Variants in ITPR1 observed in about 807,000 individuals in gnomAD.
ITPR1 encodes inositol 1,4,5-trisphosphate-gated calcium channel ITPR1.
Under a neutral mutation model 318.4 loss-of-function variants are expected in ITPR1, and 96 were observed. The observed-to-expected ratio is 0.30, with a 90% CI of 0.26 to 0.36. ITPR1 has a LOEUF of 0.36. Ranked by LOEUF, ITPR1 falls within the 10% of genes least tolerant of loss-of-function variation. The pLI is 1.00. For missense variants in ITPR1, 2,440 were observed against 3,460.2 expected, an observed-to-expected ratio of 0.71 and a Z score of 7.40; for synonymous variants, 1,312 against 1,289.9, an observed-to-expected ratio of 1.02 and a Z score of -0.37.
At chr3:4,689,865 G>A (rs1189616303) in intron 31 of ITPR1, among the ~76,000 whole-genome samples, 1 of 152,178 alleles carries the variant, frequency 6.6e-6, no homozygotes. Flanking sequence ...ACCATTAAGA[G>A]CATCCAAAGG....
rs143101703 is a variant in ITPR1, at chr3:4,677,153, C to T, written c.2967+352C>T. Among the ~76,000 whole-genome samples, 603 of 152,292 alleles carry T rather than the reference C, an allele frequency of 4.0e-3. 6 individuals carry two copies. The highest frequency in any genetic ancestry group is 3.1e-3 in the Non-Finnish European group (208 of 68,020). On this transcript the variant is annotated intron_variant, in intron 24 of 61. Coordinates refer to ENST00000649015, the MANE Select transcript of ITPR1 (RefSeq NM_001378452.1). ...ATCATAACTAGGTTCAGGGTTCCATCAACTTTGCAAAGCCTTCCTCCCTTC... is the reference window on the plus strand; with the variant it reads ...ATCATAACTAGGTTCAGGGTTCCATTAACTTTGCAAAGCCTTCCTCCCTTC...
chr3:4,768,546 C>T lies in ITPR1; in HGVS notation c.5761C>T (p.Arg1921Trp), dbSNP rs1559863237. 14 of 1,613,632 alleles carry T rather than the reference C, an allele frequency of 8.7e-6. No individual in the cohort carries two copies. The highest frequency in any genetic ancestry group is 2.2e-5 in the East Asian group (1 of 44,872). ...CACAACACAGATAACAGAAGAGGTC[C>T]GGGATCAGCTCCTGGAGGCCTCCGC... The part of the protein sequence containing the change: ...EPTTQITEEV[R>W]DQLLEASAAT... The change falls in exon 46 of 62, where the codon CGG becomes TGG. Residue 1921 changes from arginine to tryptophan, a missense_variant. Around this residue, in one of 23 missense-constraint regions of ITPR1, gnomAD observed 113 missense variants for 103.6 expected, o/e 1.09. Coordinates refer to ENST00000649015, the MANE Select transcript of ITPR1 (RefSeq NM_001378452.1).
intron 4 of ITPR1, among the ~76,000 whole-genome samples, chr3:4,604,768 CT>C (rs2091578857): frequency 6.6e-6 from 1 of 152,006 alleles, no homozygotes; most frequent in Admixed American, 6.5e-5. Flanking sequence ...ATCTTTCCCC[CT>C]GAAGAGGGAA....
Position 4,703,515 on chromosome 3 carries a change from G to T in ITPR1, c.4657+565G>T, listed in dbSNP as rs79375750. Among the ~76,000 whole-genome samples, 557 of 152,238 alleles carry T rather than the reference G, an allele frequency of 3.7e-3. 4 individuals carry two copies. The highest frequency in any genetic ancestry group is 0.014 in the Middle Eastern group (4 of 294). ...TCATCCTGACTTTATCAGACTCCAT[G>T]ACTTGACCCATTCCCCACCCCCTAT... On this transcript the variant is annotated intron_variant, in intron 36 of 61. Transcript: ENST00000649015.
intron 4 of ITPR1, among the ~76,000 whole-genome samples, chr3:4,581,826 A>G (rs2089374681): frequency 6.6e-6 from 1 of 152,240 alleles, no homozygotes; most frequent in Non-Finnish European, 1.5e-5. Context: ...TGTGGACTCA[A>G]AATGTCATCT....
At chr3:4,643,821 G>C (rs889401725) in intron 7 of ITPR1, among the ~76,000 whole-genome samples, 1 of 150,868 alleles carries the variant, frequency 6.6e-6, no homozygotes, top group South Asian at 2.1e-4. Context: ...CTTAAATTTA[G>C]TTAAAACTTA....
chr3:4,672,688 T>C (rs2094111837), intron 20 of ITPR1, among the ~76,000 whole-genome samples: 1 of 152,234 alleles, frequency 6.6e-6, no homozygotes, highest in Non-Finnish European at 1.5e-5. Flanking sequence ...TGATATAAGA[T>C]CTTTAAAATG....
chr3:4,732,683 G>C lies in ITPR1; in HGVS notation c.5221-405G>C, dbSNP rs73807143. ...TACCCTGATATCTTAATATTTTTTC[G>C]GACCTTGGGAATAAACCTTGTGGTT... On this transcript the variant is annotated intron_variant, in intron 42 of 61. Coordinates refer to ENST00000649015, the MANE Select transcript of ITPR1 (RefSeq NM_001378452.1). Among the ~76,000 whole-genome samples the C allele has an allele frequency of 3.9e-3, 595 of 151,736 alleles. 5 individuals are homozygous for C. The highest frequency in any genetic ancestry group is 0.014 in the African/African-American group (570 of 41,348).
At chr3:4,814,321 T>G (rs545669877) in intron 57 of ITPR1, 102 bp from the exon 58 acceptor site, 654 of 1,239,464 alleles carry the variant, frequency 5.3e-4, no homozygotes, top group Non-Finnish European at 7.2e-4. Flanking sequence ...TTTTATTCTT[T>G]CGTGTGCCTG....
At chr3:4,568,048 G>A (rs2087555516) in intron 4 of ITPR1, among the ~76,000 whole-genome samples, 1 of 152,198 alleles carries the variant, frequency 6.6e-6, no homozygotes, top group African/African-American at 2.4e-5. Flanking sequence ...GCCAAAGTCG[G>A]TGCAGTGAGG....
At chr3:4,749,633 T>C (rs2044354496) in intron 44 of ITPR1, 1 of 152,212 alleles carries the variant, frequency 6.6e-6, no homozygotes, top group Non-Finnish European at 1.5e-5. Context: ...AGCCACACAT[T>C]CTAAGACTCA....
chr3:4,559,757 A>G (rs2125014411), intron 4 of ITPR1, among the ~76,000 whole-genome samples: 1 of 152,332 alleles, frequency 6.6e-6, no homozygotes, highest in East Asian at 1.9e-4. Context: ...GAGAATCCAT[A>G]TAATCCACAC....
Position 4,781,854 on chromosome 3 carries a change from A to T in ITPR1, c.6388-765A>T, listed in dbSNP as rs143518084. Among the ~76,000 whole-genome samples, 6 of 152,234 alleles carry T rather than the reference A, an allele frequency of 3.9e-5. No individual in the cohort carries two copies. In the East Asian group the frequency reaches 1.2e-3, roughly 29 times the overall value. ...AAGCATTAGCCAGGCATGGTGGTGG[A>T]CACCTGTAGTTCCAGCTACTTGGGA... On this transcript the variant is annotated intron_variant, in intron 49 of 61. Transcript: ENST00000649015.
chr3:4,511,502 C>T (rs1166961887), intron 2 of ITPR1, among the ~76,000 whole-genome samples: 1 of 152,186 alleles, frequency 6.6e-6, no homozygotes, highest in Admixed American at 6.5e-5. Flanking sequence ...TGCTTGCACC[C>T]ATCAGAATGG....
chr3:4,722,263 G>A (rs901234375), intron 40 of ITPR1, among the ~76,000 whole-genome samples: 2 of 152,142 alleles, frequency 1.3e-5, no homozygotes, highest in African/African-American at 4.8e-5. Context: ...GGCACTAGTT[G>A]GTTTCTCAGT....
At chr3:4,652,375 C>A (rs977302186) in intron 11 of ITPR1, among the ~76,000 whole-genome samples, 157 bp downstream of exon 11, 2 of 152,158 alleles carry the variant, frequency 1.3e-5, no homozygotes, top group African/African-American at 4.8e-5. Flanking sequence ...GATTCATTTT[C>A]CTAGAAGACT....
intron 4 of ITPR1, among the ~76,000 whole-genome samples, chr3:4,540,447 C>G (rs1020064341): frequency 6.6e-6 from 1 of 152,170 alleles, no homozygotes; most frequent in African/African-American, 2.4e-5. Flanking sequence ...TGTCTATTAT[C>G]TATTAATTGG....
intron 4 of ITPR1, among the ~76,000 whole-genome samples, chr3:4,620,232 A>G (rs1575754978): frequency 6.6e-6 from 1 of 152,198 alleles, no homozygotes; most frequent in South Asian, 2.1e-4. Context: ...TAGTCACTTT[A>G]CTTCTATTTC....
chr3:4,704,039 G>A (rs1281235805), intron 36 of ITPR1, among the ~76,000 whole-genome samples: 1 of 152,164 alleles, frequency 6.6e-6, no homozygotes, highest in Admixed American at 6.5e-5. Flanking sequence ...CTCACTTAAA[G>A]TGGGAGCTAA....
Sources: allele counts gnomAD v4.1 joint callset (sites outside exome capture counted in the v4.1 genomes callset), GRCh38; gene constraint gnomAD v4.1.1; regional missense constraint gnomAD v4.1.1; transcripts MANE v1.5; gene names NCBI Gene and HGNC (gene_info 2026-07-23, HGNC 2026-07-21).